The following CYTH1 variants were observed in gnomAD, a reference collection of about 807,000 sequenced individuals.
The protein encoded by CYTH1 is cytohesin-1.
CYTH1 carries 18 observed loss-of-function variants against 61.8 expected under a neutral mutation model. The ratio of observed to expected loss-of-function variants is 0.29; its 90% CI spans 0.20 to 0.43. The LOEUF is 0.43. CYTH1 is among the 20% of genes least tolerant of loss of function. CYTH1 has a pLI of 1.00. For missense variants in CYTH1, 336 were observed against 510.5 expected (o/e 0.66, Z 3.29); for synonymous variants, 174 against 184.3 (o/e 0.94, Z 0.45).
intron 13 of CYTH1, chr17:78,676,683 C>A (rs1380734778): frequency 6.3e-6 from 2 of 316,618 alleles, no homozygotes; most frequent in East Asian, 1.8e-4. Flanking sequence ...CGGCACTGCC[C>A]AGCACGATGC....
In CYTH1 at chr17:78,675,948, T is replaced by A. The variant is rs533255306; in HGVS notation, c.*143A>T. On this transcript the variant is annotated 3_prime_UTR_variant, in exon 14 of 14. Coordinates refer to ENST00000446868, the MANE Select transcript of CYTH1 (RefSeq NM_004762.6). ...CCACCCTTCTCCCACTTAAAAAAAA[T>A]AGCAAAAGCTGAAGCTAGTCTCTAG... is the stretch of plus-strand genomic sequence containing the variant. 1.4e-3 allele frequency: 2,105 copies of A among 1,547,544 alleles called. 2 individuals are homozygous for A. The highest frequency in any genetic ancestry group is 1.7e-3 in the Non-Finnish European group (1,977 of 1,145,428).
intron 11 of CYTH1, among the ~76,000 whole-genome samples, chr17:78,682,835 C>T (rs902857302): frequency 6.6e-6 from 1 of 152,182 alleles, no homozygotes; most frequent in Admixed American, 6.5e-5. Flanking sequence ...GCAGCCTTGG[C>T]GTGCATTCAT....
chr17:78,759,027 T>C (rs2093412512), intron 1 of CYTH1, among the ~76,000 whole-genome samples: 2 of 151,064 alleles, frequency 1.3e-5, no homozygotes, highest in African/African-American at 4.9e-5. Context: ...TGCTTAAGCA[T>C]AGGAGATCGA....
At chr17:78,760,355 T>TATATATATATATATATA in intron 1 of CYTH1, among the ~76,000 whole-genome samples, 1 of 52,276 alleles carries the variant, frequency 1.9e-5, no homozygotes, top group African/African-American at 7.2e-5. Flanking sequence ...AATAGCAGGT[T>TATATATATATATATATA]TATATATATA....
At chr17:78,776,920 GT>G (rs1385535457) in intron 1 of CYTH1, among the ~76,000 whole-genome samples, 1 of 150,912 alleles carries the variant, frequency 6.6e-6, no homozygotes, top group African/African-American at 2.4e-5. Context: ...GAGGTCGGGA[GT>G]TCGAGACCAG....
At chr17:78,776,856 T>A (rs935202108) in intron 1 of CYTH1, among the ~76,000 whole-genome samples, 2 of 151,714 alleles carry the variant, frequency 1.3e-5, no homozygotes, top group African/African-American at 4.8e-5. Context: ...CCAGGTGCAG[T>A]GGCTCACACC....
intron 4 of CYTH1, 56 bp downstream of exon 4, chr17:78,702,482 G>T: frequency 6.4e-7 from 1 of 1,568,234 alleles, no homozygotes. Flanking sequence ...GTCTATCTGA[G>T]CACTATAAAA....
In CYTH1 at chr17:78,696,007, C is replaced by T; in HGVS notation, c.814G>A (p.Gly272Ser). The T allele has an allele frequency of 7.3e-7, 1 of 1,367,868 alleles. No individual in the cohort carries two copies. The highest frequency in any genetic ancestry group is 9.8e-7 in the Non-Finnish European group (1 of 1,021,976). The allele number at this position is 1,367,868 out of a possible 1,614,324, so 84.7% of individuals were successfully genotyped here. A position where few individuals can be genotyped will look rare whatever the true frequency, so the allele number is the denominator to read the frequency against. The part of the protein sequence containing the change: ...DREGWLLKLG[G>S]GRVKTWKRRW... ...AGCGAGCAGGCTGAGGGTTACATAC[C>T]TCCTGGAGTTTGGGGCAAGGAAAAG... Residue 272 changes from glycine (G) to serine (S), a missense_variant and splice_region_variant, in exon 10 of 14, where the codon GGT becomes AGT. Physicochemically the swap from Gly to Ser is moderately conservative, Grantham distance 56 (BLOSUM62 0). Coordinates refer to ENST00000446868, the MANE Select transcript of CYTH1 (RefSeq NM_004762.6).
At chr17:78,707,241 G>A (rs1035447970) in intron 3 of CYTH1, among the ~76,000 whole-genome samples, 1 of 152,136 alleles carries the variant, frequency 6.6e-6, no homozygotes, top group Non-Finnish European at 1.5e-5. Context: ...ACAGTCCTAC[G>A]AAGCCAGACA....
intron 13 of CYTH1, chr17:78,677,352 G>C (rs191937627): frequency 1.2e-5 from 3 of 245,400 alleles, no homozygotes; most frequent in Admixed American, 5.3e-5. Flanking sequence ...CAGGCGATGA[G>C]GGGGGCTGGG....
At chr17:78,774,209 T>C (rs2093482625) in intron 1 of CYTH1, among the ~76,000 whole-genome samples, 1 of 152,206 alleles carries the variant, frequency 6.6e-6, no homozygotes, top group African/African-American at 2.4e-5. Context: ...ATTCTAAAAA[T>C]GTTTATACTC....
intron 1 of CYTH1, among the ~76,000 whole-genome samples, chr17:78,711,211 G>A (rs937291764): frequency 6.6e-6 from 1 of 151,182 alleles, no homozygotes; most frequent in Admixed American, 6.6e-5. Flanking sequence ...GCAGTGAGCC[G>A]AGATCCCGCC....
chr17:78,762,810 T>C (rs1197064967), intron 1 of CYTH1, among the ~76,000 whole-genome samples: 2 of 152,270 alleles, frequency 1.3e-5, no homozygotes, highest in South Asian at 2.1e-4. Flanking sequence ...GGGCAGCCTT[T>C]AGAAGCTGGA....
chr17:78,761,565 C>T (rs970493831), intron 1 of CYTH1, among the ~76,000 whole-genome samples: 4 of 152,044 alleles, frequency 2.6e-5, no homozygotes, highest in Middle Eastern at 3.2e-3. Flanking sequence ...GGTGAAACCC[C>T]GTCTCTACTA....
chr17:78,675,895 C>A lies in CYTH1; in HGVS notation c.*196G>T, dbSNP rs937848716. 2.7e-6 allele frequency: 4 copies of A among 1,503,286 alleles called. No individual in the cohort carries two copies. In the African/African-American group the frequency reaches 4.2e-5, roughly 16 times the overall value. The allele number at this position is 1,503,286 out of a possible 1,614,324, so 93.1% of individuals were successfully genotyped here. A position where few individuals can be genotyped will look rare whatever the true frequency, so the allele number is the denominator to read the frequency against. ...CTGGAGCCCATGCTGGACAGGTGGC[C>A]GGTCCTCTCTTCCCCAGTGATAACT... On this transcript the variant is annotated 3_prime_UTR_variant, in exon 14 of 14. Coordinates refer to ENST00000446868, the MANE Select transcript of CYTH1 (RefSeq NM_004762.6).
intron 13 of CYTH1, among the ~76,000 whole-genome samples, chr17:78,679,565 G>A (rs960005714): frequency 6.6e-6 from 1 of 152,220 alleles, no homozygotes; most frequent in African/African-American, 2.4e-5. Context: ...CATGTTTCCA[G>A]ATACTTGTCA....
At chr17:78,779,796 C>G (rs1227154797) in intron 1 of CYTH1, among the ~76,000 whole-genome samples, 1 of 152,176 alleles carries the variant, frequency 6.6e-6, no homozygotes, top group African/African-American at 2.4e-5. Flanking sequence ...ACCAGCCTGT[C>G]CGACACCTTG....
chr17:78,740,515 G>A (rs1005844044), intron 1 of CYTH1, among the ~76,000 whole-genome samples: 1 of 152,210 alleles, frequency 6.6e-6, no homozygotes, highest in African/African-American at 2.4e-5. Context: ...TCCTGGCCAG[G>A]CAGCGTCCCT....
chr17:78,723,523 A>ATGGACGCGCAGAGC (rs1201660061), intron 1 of CYTH1: 2 of 152,360 alleles, frequency 1.3e-5, no homozygotes, highest in African/African-American at 2.4e-5. Flanking sequence ...GAGCGCAGAG[A>ATGGACGCGCAGAGC]TGGACGCGCA....
Sources: gnomAD v4.1 joint callset for allele counts (sites outside exome capture counted in the v4.1 genomes callset) on GRCh38, gnomAD v4.1.1 for gene constraint, MANE v1.5 for transcripts, NCBI Gene and HGNC (gene_info 2026-07-23, HGNC 2026-07-21) for gene names.